The following RAB11FIP5 variants were observed in gnomAD, a reference collection of about 807,000 sequenced individuals.
The protein encoded by RAB11FIP5 is RAB11 family interacting protein 5.
RAB11FIP5 carries 48 observed loss-of-function variants against 85.1 expected under a neutral mutation model. The ratio of observed to expected loss-of-function variants is 0.56; its 90% CI spans 0.45 to 0.72. The LOEUF (loss-of-function observed/expected upper bound fraction) is 0.72. RAB11FIP5 is among the 30% of genes least tolerant of loss of function. The pLI is 0.00. For missense variants in RAB11FIP5, 1,491 were observed against 1,687.0 expected (o/e 0.88, Z 2.04); for synonymous variants, 729 against 727.3 (o/e 1.00, Z -0.04).
In RAB11FIP5 at chr2:73,080,525, T is replaced by TGGGAGGTG. The variant is rs1211244088; in HGVS notation, c.2699_2706dup (p.Lys903HisfsTer26). The TGGGAGGTG allele has an allele frequency of 8.1e-7, 1 of 1,232,580 alleles. No individual in the cohort carries two copies. The highest frequency in any genetic ancestry group is 1.0e-6 in the Non-Finnish European group (1 of 988,246). The allele number at this position is 1,232,580 out of a possible 1,614,324, so 76.4% of individuals were successfully genotyped here. On this transcript the variant is annotated frameshift_variant, in exon 4 of 6. Transcript: ENST00000486777. LOFTEE classifies it high-confidence loss of function. ...GAGGGTGTGAAGAGGCGCGGTGGCT[T>TGGGAGGTG]GGGAGGTGGGGTGCTGGGCTGCAGC...
intron 1 of RAB11FIP5, among the ~76,000 whole-genome samples, chr2:73,101,679 G>A (rs1684432027): frequency 1.3e-5 from 2 of 152,124 alleles, no homozygotes; most frequent in Non-Finnish European, 1.5e-5. Flanking sequence ...CCCCACCCCT[G>A]CTCTCCTCCC....
Position 73,112,534 on chromosome 2 carries a change from G to C in RAB11FIP5, c.244C>G (p.Leu82Val). The part of the protein sequence containing the change: ...ECSFELPPGA[L>V]DGLLRAQEAD... ...TCCTGCGCCCGCAGCAGGCCATCCA[G>C]GGCCCCCGGCGGCAGCTCGAAGGAG... The change falls in exon 1 of 6, where the codon CTG becomes GTG. Residue 82 changes from leucine to valine, a missense_variant. This residue lies in a region of RAB11FIP5 where 1,211 missense variants were observed against 1,338.0 expected (regional missense o/e 0.91). Transcript: ENST00000486777. 6.5e-7 allele frequency: 1 copy of C among 1,531,538 alleles called. No individual in the cohort carries two copies. Among genetic ancestry groups the C allele is most frequent in the Non-Finnish European group, 8.8e-7 (1 of 1,140,690 alleles). The allele number at this position is 1,531,538 out of a possible 1,614,324, so 94.9% of individuals were successfully genotyped here.
In RAB11FIP5 at chr2:73,081,745, C is replaced by T. The variant is rs1683989382; in HGVS notation, c.1569-82G>A. 4.3e-6 allele frequency: 5 copies of T among 1,170,314 alleles called. No individual in the cohort carries two copies. In the South Asian group the frequency reaches 2.2e-4, roughly 51 times the overall value. 72.5% of individuals were successfully genotyped at this position (1,170,314 alleles called of 1,614,324 possible). A position where few individuals can be genotyped will look rare whatever the true frequency, so the allele number is the denominator to read the frequency against. Reference sequence around the variant, plus strand: ...CCTGAGTCCCACGCCCCACCCCCTGCTTCGGGACCAGGGGCCATAACACAC... The same window carrying T: ...CCTGAGTCCCACGCCCCACCCCCTGTTTCGGGACCAGGGGCCATAACACAC... On this transcript the variant is annotated intron_variant, in intron 3 of 5. Coordinates refer to ENST00000486777, the MANE Select transcript of RAB11FIP5 (RefSeq NM_001371272.1). The surrounding 1 kb of genome is among the most constrained non-coding windows in gnomAD (Gnocchi z 4.2).
At chr2:73,084,386 C>T (rs1162062109) in intron 3 of RAB11FIP5, 1 of 152,232 alleles carries the variant, frequency 6.6e-6, no homozygotes. Flanking sequence ...AGGTCATGCT[C>T]TGAGAACAAA....
At chr2:73,079,350 C>A (rs1188014068) in intron 4 of RAB11FIP5, among the ~76,000 whole-genome samples, 2 of 152,174 alleles carry the variant, frequency 1.3e-5, no homozygotes, top group East Asian at 3.9e-4. Context: ...TCCCTGCCAG[C>A]CCACATCGGC....
At chr2:73,088,007 G>A (rs1263372198) in intron 3 of RAB11FIP5, 43 bp downstream of exon 3, 1 of 1,535,150 alleles carries the variant, frequency 6.5e-7, no homozygotes. Context: ...ACACACCCCA[G>A]CATCCTCCCC....
In RAB11FIP5 at chr2:73,075,775, TGCCTGCCCGCTTGCCCGCCCGCCC is replaced by T. The variant is rs1559231154; in HGVS notation, c.3772-75_3772-52del. 6.5e-7 allele frequency: 1 copy of T among 1,530,174 alleles called. No individual in the cohort carries two copies. Among genetic ancestry groups the T allele is most frequent in the South Asian group, 1.2e-5 (1 of 80,438 alleles). 94.8% of individuals were successfully genotyped at this position (1,530,174 alleles called of 1,614,324 possible). A position where few individuals can be genotyped will look rare whatever the true frequency, so the allele number is the denominator to read the frequency against. The stretch of plus-strand genomic sequence containing the variant: ...CAGGGCAGCCCTAGGCCTGCCTGCC[TGCCTGCCCGCTTGCCCGCCCGCCC>T]GCCTGCCCACCAACACCTAAGTTTC... On this transcript the variant is annotated intron_variant, in intron 5 of 5. Transcript: ENST00000486777. This position sits in a 1 kb window ranked among gnomAD's most constrained non-coding sequence, Gnocchi z 4.6.
chr2:73,087,111 C>T (rs376307147), intron 3 of RAB11FIP5, among the ~76,000 whole-genome samples: 51 of 152,284 alleles, frequency 3.3e-4, no homozygotes, highest in African/African-American at 1.2e-3. Flanking sequence ...AGCCATGGAG[C>T]GGGAAGGGCA....
chr2:73,089,375 C>T lies in RAB11FIP5; in HGVS notation c.432-60G>A. 1 of 1,556,616 alleles carries T rather than the reference C, an allele frequency of 6.4e-7. No homozygotes were observed. Among genetic ancestry groups the T allele is most frequent in the Non-Finnish European group, 8.8e-7 (1 of 1,137,072 alleles). ...CGGGCCCAGGGAGCCTGGCTCCCGC[C>T]CGGTACCAGGCACTGCCCAGACCCC... On this transcript the variant is annotated intron_variant, in intron 1 of 5. Transcript: ENST00000486777. This position sits in a 1 kb window ranked among gnomAD's most constrained non-coding sequence, Gnocchi z 4.6.
Position 73,074,368 on chromosome 2 carries a change from G to C in RAB11FIP5, c.*1153C>G, listed in dbSNP as rs2106097901. 1 of 152,590 alleles carries C rather than the reference G, an allele frequency of 6.6e-6. No homozygotes were observed. The highest frequency in any genetic ancestry group is 2.4e-5 in the African/African-American group (1 of 41,580). 9.5% of individuals were successfully genotyped at this position (152,590 alleles called of 1,614,324 possible). On this transcript the variant is annotated 3_prime_UTR_variant, in exon 6 of 6. Transcript: ENST00000486777. ...GGCCTGCCTGCCCGCCTGCCCAGCA[G>C]TGTTTATCCTGGGATCCTCCTATTG...
In RAB11FIP5 at chr2:73,081,239, T is replaced by C. The variant is rs1574293959; in HGVS notation, c.1993A>G (p.Arg665Gly). The change falls in exon 4 of 6, where the codon AGG (arginine) becomes GGG (glycine). Residue 665 changes from arginine to glycine, a missense_variant. By Grantham distance (125) the Arg-to-Gly change is moderately radical (BLOSUM62 -2). This residue lies in a region of RAB11FIP5 where 1,211 missense variants were observed against 1,338.0 expected (regional missense o/e 0.91). Transcript: ENST00000486777. The surrounding 1 kb of genome is among the most constrained non-coding windows in gnomAD (Gnocchi z 4.2). The stretch of plus-strand genomic sequence containing the variant: ...CCTGCAGGGGCCAGGATCTCGCTCC[T>C]GGCCTCTGGACGCAGCCTGCTGGCA... ...FAASRLRPEARSEILAPAGVG... is the reference protein window; with the variant it reads ...FAASRLRPEAGSEILAPAGVG... The C allele has an allele frequency of 2.4e-6, 3 of 1,232,394 alleles. No homozygotes were observed. The highest frequency in any genetic ancestry group is 3.2e-5 in the East Asian group (1 of 31,686). The allele number at this position is 1,232,394 out of a possible 1,614,324, so 76.3% of individuals were successfully genotyped here.
At chr2:73,105,147 C>G (rs978199423) in intron 1 of RAB11FIP5, among the ~76,000 whole-genome samples, 6 of 152,184 alleles carry the variant, frequency 3.9e-5, no homozygotes, top group African/African-American at 1.4e-4. Context: ...TGTGCTGATG[C>G]CCCCAAGCCC....
At position 73,086,794 on chromosome 2, in the gene RAB11FIP5, G is replaced by A. The variant is rs1329187401; in HGVS notation, c.1568+1256C>T. On this transcript the variant is annotated intron_variant, in intron 3 of 5. Transcript: ENST00000486777. This position sits in a 1 kb window ranked among gnomAD's most constrained non-coding sequence, Gnocchi z 4.4. The stretch of plus-strand genomic sequence containing the variant: ...CCTGAGCTCTGGTGAGTAGGGGCGG[G>A]GCAGTAGGGACAGGAGCTGCCATAC... 6.6e-6 allele frequency among the ~76,000 whole-genome samples: 1 copy of A among 152,170 alleles called. No individual in the cohort carries two copies. Among genetic ancestry groups the A allele is most frequent in the Non-Finnish European group, 1.5e-5 (1 of 68,034 alleles).
At position 73,089,210 on chromosome 2, in the gene RAB11FIP5, G is replaced by A. The variant is rs762887525; in HGVS notation, c.537C>T (p.Asp179=). ...TRNNLSASMF[D]LSMKDKPRSP... is the part of the protein sequence containing the mutation. ...ACCTTGGCTTGTCCTTCATGGACAG[G>A]TCAAACATACTGGCGCTCAGGTTGT... is the stretch of plus-strand genomic sequence containing the variant. Residue 179 remains aspartate (D), a synonymous_variant, in exon 2 of 6, where the codon GAC becomes GAT. Transcript: ENST00000486777. The surrounding 1 kb of genome is among the most constrained non-coding windows in gnomAD (Gnocchi z 4.6). 2 of 1,614,202 alleles carry A rather than the reference G, an allele frequency of 1.2e-6. No individual in the cohort carries two copies. The highest frequency in any genetic ancestry group is 2.2e-5 in the East Asian group (1 of 44,874).
In RAB11FIP5 at chr2:73,075,653, C is replaced by T; in HGVS notation, c.3843G>A (p.Leu1281=). The change falls in exon 6 of 6, where the codon CTG becomes CTA. Residue 1281 remains leucine (L), a synonymous_variant. Coordinates refer to ENST00000486777, the MANE Select transcript of RAB11FIP5 (RefSeq NM_001371272.1). The surrounding 1 kb of genome is among the most constrained non-coding windows in gnomAD (Gnocchi z 4.6). ...LTHDELISLL[L]QRERELSQRD... ...GCTGGCTCAGCTCCCGCTCCCGCTG[C>T]AGGAGCAGGCTGATGAGCTCATCGT... is the stretch of plus-strand genomic sequence containing the variant. 1 of 1,613,860 alleles carries T rather than the reference C, an allele frequency of 6.2e-7. No individual in the cohort carries two copies. The highest frequency in any genetic ancestry group is 8.5e-7 in the Non-Finnish European group (1 of 1,179,904).
intron 1 of RAB11FIP5, among the ~76,000 whole-genome samples, chr2:73,091,926 G>T (rs1240695949): frequency 6.6e-6 from 1 of 152,182 alleles, no homozygotes; most frequent in Non-Finnish European, 1.5e-5. Flanking sequence ...CAGAGAAAAT[G>T]CCCGAGCGGG....
chr2:73,104,326 C>A (rs1278659143), intron 1 of RAB11FIP5, among the ~76,000 whole-genome samples: 1 of 152,060 alleles, frequency 6.6e-6, no homozygotes, highest in Non-Finnish European at 1.5e-5. Context: ...ACCTGTAATC[C>A]CAGCACTTTG....
chr2:73,076,301 T>C (rs1197873449), intron 4 of RAB11FIP5, 119 bp from the exon 5 acceptor site: 2 of 958,438 alleles, frequency 2.1e-6, no homozygotes, highest in Non-Finnish European at 3.2e-6. Context: ...CACTGGGTGG[T>C]AGCTGCCCCT....
chr2:73,096,658 A>G (rs1373746708), intron 1 of RAB11FIP5, among the ~76,000 whole-genome samples: 1 of 151,966 alleles, frequency 6.6e-6, no homozygotes, highest in Non-Finnish European at 1.5e-5. Context: ...CTCTCTCACC[A>G]CTGTCACCCC....
Sources: gnomAD v4.1 joint callset for allele counts (sites outside exome capture counted in the v4.1 genomes callset) on GRCh38, gnomAD v4.1.1 for gene constraint, gnomAD v4.1.1 regional missense constraint, Gnocchi (gnomAD v3.1) non-coding constraint, MANE v1.5 for transcripts, NCBI Gene and HGNC (gene_info 2026-07-23, HGNC 2026-07-21) for gene names.